Variants in IFT81 observed in about 807,000 individuals in gnomAD.
The protein encoded by IFT81 is intraflagellar transport protein 81 homolog.
In IFT81, 72 loss-of-function variants were observed where a neutral mutation model predicts 102.6. The observed-to-expected ratio is 0.70, with a 90% CI of 0.58 to 0.85. The LOEUF is 0.85. IFT81 is among the 40% of genes least tolerant of loss of function. IFT81 has a pLI of 0.00. For missense variants in IFT81, 723 were observed against 787.3 expected, an observed-to-expected ratio of 0.92 and a Z score of 0.98; for synonymous variants, 237 against 242.7, an observed-to-expected ratio of 0.98 and a Z score of 0.22.
chr12:110,154,527 A>G lies in IFT81; in HGVS notation c.1041+7479A>G, dbSNP rs182195166. On this transcript the variant is annotated intron_variant, in intron 10 of 18. Coordinates refer to ENST00000242591, the MANE Select transcript of IFT81 (RefSeq NM_014055.4). ...ATGTCTGTAATCCCAGCTACTCGGGAGGCTGAGATGGAAAAATTGAACCCG... is the reference window on the plus strand; with the variant it reads ...ATGTCTGTAATCCCAGCTACTCGGGGGGCTGAGATGGAAAAATTGAACCCG... Among the ~76,000 whole-genome samples, 27 of 149,746 alleles carry G rather than the reference A, an allele frequency of 1.8e-4. No homozygotes were observed. In the East Asian group the frequency reaches 4.9e-3, roughly 27 times the overall value.
chr12:110,204,130 TA>T (rs143786015), intron 15 of IFT81, 180 bp downstream of exon 15: 102 of 510,818 alleles, frequency 2.0e-4, no homozygotes, highest in Middle Eastern at 5.1e-4. Flanking sequence ...ACTCTCTCTC[TA>T]AAAAAAATGT....
chr12:110,143,266 T>C (rs1895003187), intron 8 of IFT81, 116 bp from the exon 9 acceptor site: 1 of 532,138 alleles, frequency 1.9e-6, no homozygotes, highest in Non-Finnish European at 2.8e-6. Flanking sequence ...TGCTATATAT[T>C]ATACAGTTTG....
intron 12 of IFT81, among the ~76,000 whole-genome samples, chr12:110,185,066 G>C (rs1897463577): frequency 6.6e-6 from 1 of 152,188 alleles, no homozygotes; most frequent in African/African-American, 2.4e-5. Context: ...GGGACTGTCA[G>C]TACTCTACCT....
chr12:110,196,987 C>T (rs1898028818), intron 14 of IFT81, among the ~76,000 whole-genome samples: 1 of 151,952 alleles, frequency 6.6e-6, no homozygotes, highest in Admixed American at 6.6e-5. Flanking sequence ...ACTCTTGAGC[C>T]CAGGATTTCA....
intron 8 of IFT81, among the ~76,000 whole-genome samples, chr12:110,140,329 C>T (rs1453505196): frequency 6.6e-6 from 1 of 152,070 alleles, no homozygotes; most frequent in Non-Finnish European, 1.5e-5. Flanking sequence ...ACTGGTGAAA[C>T]CATCAGCTTT....
intron 10 of IFT81, among the ~76,000 whole-genome samples, chr12:110,155,916 G>T (rs1895813229): frequency 6.6e-6 from 1 of 152,130 alleles, no homozygotes; most frequent in Non-Finnish European, 1.5e-5. Flanking sequence ...ATTTATACAA[G>T]TTTAACTTCA....
chr12:110,148,019 T>C (rs1428154259), intron 10 of IFT81, among the ~76,000 whole-genome samples: 3 of 152,208 alleles, frequency 2.0e-5, no homozygotes, highest in Non-Finnish European at 2.9e-5. Flanking sequence ...GATTCATATA[T>C]TGCATTTGGC....
chr12:110,209,316 A>G, intron 18 of IFT81, 100 bp downstream of exon 18: 1 of 475,402 alleles, frequency 2.1e-6, no homozygotes, highest in South Asian at 5.7e-5. Context: ...AGGTCATAGT[A>G]CAGTTTTTGA....
At chr12:110,160,736 A>T (rs1485024465) in intron 10 of IFT81, among the ~76,000 whole-genome samples, 1 of 152,190 alleles carries the variant, frequency 6.6e-6, no homozygotes, top group East Asian at 1.9e-4. Context: ...TTTTGCTTTT[A>T]TAAATCAGGG....
rs368299361 is a variant in IFT81, at chr12:110,146,908, T to C, written c.946-45T>C. 8 of 1,562,936 alleles carry C rather than the reference T, an allele frequency of 5.1e-6. No individual in the cohort carries two copies. The African/African-American group carries it at 5.5e-5, about 11-fold the overall frequency. ...AGACGTCACTTAGTTTGTGTACTTA[T>C]AGGGAAAGTTTTAACTTTTTTTTTT... On this transcript the variant is annotated intron_variant, in intron 9 of 18. Coordinates refer to ENST00000242591, the MANE Select transcript of IFT81 (RefSeq NM_014055.4).
At chr12:110,158,401 A>G (rs1895960299) in intron 10 of IFT81, among the ~76,000 whole-genome samples, 1 of 151,182 alleles carries the variant, frequency 6.6e-6, no homozygotes, top group African/African-American at 2.4e-5. Flanking sequence ...TTTTTTTAAC[A>G]ATTTTATTCT....
At chr12:110,197,553 A>G (rs1363217303) in intron 14 of IFT81, among the ~76,000 whole-genome samples, 1 of 98,238 alleles carries the variant, frequency 1.0e-5, no homozygotes, top group Non-Finnish European at 2.0e-5. Flanking sequence ...TTAGGTTTTT[A>G]TCATATATAT....
At chr12:110,215,566 A>G (rs907813575) in intron 18 of IFT81, among the ~76,000 whole-genome samples, 1 of 134,028 alleles carries the variant, frequency 7.5e-6, no homozygotes, top group African/African-American at 2.9e-5. Context: ...GGCTCAAGTG[A>G]TCTTCTTGCC....
chr12:110,169,857 C>T (rs979397280), intron 11 of IFT81, among the ~76,000 whole-genome samples: 1 of 152,120 alleles, frequency 6.6e-6, no homozygotes, highest in Non-Finnish European at 1.5e-5. Flanking sequence ...GCCACCTCAC[C>T]CAGCCCAGAT....
chr12:110,152,650 C>T (rs770276044), intron 10 of IFT81, among the ~76,000 whole-genome samples: 1 of 151,808 alleles, frequency 6.6e-6, no homozygotes, highest in Non-Finnish European at 1.5e-5. Context: ...ACTCTATTGC[C>T]CAGGCTGGAG....
At chr12:110,163,237 T>C (rs1471692118) in intron 11 of IFT81, among the ~76,000 whole-genome samples, 172 bp downstream of exon 11, 1 of 152,150 alleles carries the variant, frequency 6.6e-6, no homozygotes, top group African/African-American at 2.4e-5. Context: ...TATTTTTTTC[T>C]TTTTCTTTTT....
chr12:110,213,900 T>C (rs1869768958), intron 18 of IFT81, among the ~76,000 whole-genome samples: 1 of 152,194 alleles, frequency 6.6e-6, no homozygotes, highest in Non-Finnish European at 1.5e-5. Flanking sequence ...CTTTGATGGC[T>C]TCTTTGTTTT....
chr12:110,182,640 A>G (rs903902835), intron 12 of IFT81, among the ~76,000 whole-genome samples: 2 of 152,166 alleles, frequency 1.3e-5, no homozygotes, highest in East Asian at 1.9e-4. Context: ...AGCAGCATCT[A>G]TATAGCCTTA....
At chr12:110,131,877 T>C (rs908390333) in intron 4 of IFT81, among the ~76,000 whole-genome samples, 1 of 152,194 alleles carries the variant, frequency 6.6e-6, no homozygotes, top group African/African-American at 2.4e-5. Context: ...AGAATCTATG[T>C]GAAGACTTGA....
Sources: gnomAD v4.1 joint callset for allele counts (sites outside exome capture counted in the v4.1 genomes callset) on GRCh38, gnomAD v4.1.1 for gene constraint, MANE v1.5 for transcripts, NCBI Gene and HGNC (gene_info 2026-07-23, HGNC 2026-07-21) for gene names.